The following RBM33 variants were observed in gnomAD, a reference collection of about 807,000 sequenced individuals.
The protein encoded by RBM33 is RNA-binding protein 33.
In RBM33, 28 loss-of-function variants were observed where a neutral mutation model predicts 132.6. The observed-to-expected ratio is 0.21, with a 90% CI of 0.16 to 0.29. The LOEUF is 0.29. Among genes scored for constraint, RBM33 ranks in the 10% least tolerant of loss-of-function variants. The probability of loss-of-function intolerance (pLI) is 1.00; values close to 1 mark genes in which losing one functional copy is unlikely to be tolerated. For missense variants in RBM33, 1,291 were observed against 1,518.5 expected (o/e 0.85, Z 2.49); for synonymous variants, 634 against 593.0 (o/e 1.07, Z -1.01).
At chr7:155,749,744 C>T (rs542310422) in intron 14 of RBM33, among the ~76,000 whole-genome samples, 1 of 152,300 alleles carries the variant, frequency 6.6e-6, no homozygotes, top group Non-Finnish European at 1.5e-5. Context: ...TGAATATAGG[C>T]CTGGCGAGTG....
intron 8 of RBM33, among the ~76,000 whole-genome samples, chr7:155,717,156 C>G (rs1395945071): frequency 6.6e-6 from 1 of 152,162 alleles, no homozygotes; most frequent in Non-Finnish European, 1.5e-5. Flanking sequence ...GTTGTCAATT[C>G]CACCTGATGT....
At chr7:155,653,444 A>G (rs956148694) in intron 1 of RBM33, among the ~76,000 whole-genome samples, 5 of 149,826 alleles carry the variant, frequency 3.3e-5, no homozygotes, top group Non-Finnish European at 7.4e-5. Flanking sequence ...TGAATTTACT[A>G]TCTTTTCTAC....
intron 2 of RBM33, among the ~76,000 whole-genome samples, chr7:155,670,122 A>C (rs145990476): frequency 1.9e-3 from 290 of 152,346 alleles, no homozygotes; most frequent in African/African-American, 6.7e-3. Context: ...TTTGAGGATA[A>C]CTTCTGTTTC....
chr7:155,752,772 A>G (rs891670333), intron 14 of RBM33, among the ~76,000 whole-genome samples: 1 of 152,174 alleles, frequency 6.6e-6, no homozygotes, highest in African/African-American at 2.4e-5. Flanking sequence ...GCCATGTTTC[A>G]TGCCTCTGGC....
In RBM33 at chr7:155,770,240, G is replaced by A. The variant is rs139589035; in HGVS notation, c.3375+3585G>A. On this transcript the variant is annotated intron_variant, in intron 16 of 17. Transcript: ENST00000401878. ...TGAAATGGGGCAGAAAACTCGGTGC[G>A]GGCTGGAGTTGCCCAGAGCACTGTT... Among the ~76,000 whole-genome samples, 308 of 152,312 alleles carry A rather than the reference G, an allele frequency of 2.0e-3. 7 individuals carry two copies. In the East Asian group the frequency reaches 0.044, roughly 22 times the overall value.
chr7:155,697,902 A>C (rs757882667), intron 5 of RBM33, among the ~76,000 whole-genome samples: 3 of 152,246 alleles, frequency 2.0e-5, no homozygotes, highest in Non-Finnish European at 2.9e-5. Flanking sequence ...GTAACTAAAA[A>C]TCAAACCTTT....
intron 5 of RBM33, among the ~76,000 whole-genome samples, chr7:155,700,528 T>C (rs926860156): frequency 3.4e-5 from 5 of 148,036 alleles, no homozygotes; most frequent in Non-Finnish European, 7.5e-5. Context: ...GTCTATTAAT[T>C]GCAAGCAAGA....
chr7:155,672,958 A>C (rs1171187260), intron 3 of RBM33, 43 bp downstream of exon 3: 1 of 1,338,556 alleles, frequency 7.5e-7, no homozygotes, highest in Non-Finnish European at 1.0e-6. Context: ...CTAGTCATTT[A>C]ATTATACTTA....
At position 155,700,906 on chromosome 7, in the gene RBM33, A is replaced by C. The variant is rs1016200800; in HGVS notation, c.701A>C (p.Asp234Ala). Residue 234 changes from aspartate to alanine, a missense_variant, in exon 6 of 18, where the codon GAT (aspartate) becomes GCT (alanine). Physicochemically the swap from Asp to Ala is moderately radical, Grantham distance 126. Transcript: ENST00000401878. ...RKEGTIIRLS[D>A]VTRERRNIPE... ...GAAGGAACAATTATTAGGCTCTCAGATGTAACTAGAGAGAGAAGGAACATT... is the reference window on the plus strand; with the variant it reads ...GAAGGAACAATTATTAGGCTCTCAGCTGTAACTAGAGAGAGAAGGAACATT... The C allele has an allele frequency of 5.6e-6, 9 of 1,612,998 alleles. No individual in the cohort carries two copies. The highest frequency in any genetic ancestry group is 7.6e-6 in the Non-Finnish European group (9 of 1,179,506).
Position 155,775,119 on chromosome 7 carries a change from AC to A in RBM33, c.*83del. 7.8e-7 allele frequency: 1 copy of A among 1,281,654 alleles called. No individual in the cohort carries two copies. Among genetic ancestry groups the A allele is most frequent in the Non-Finnish European group, 1.1e-6 (1 of 878,298 alleles). The allele number at this position is 1,281,654 out of a possible 1,614,324, so 79.4% of individuals were successfully genotyped here. ...CAAGGGAGCTGCCGGCCGGCGCAGA[AC>A]CCCCAGGAGCACAGGTCTCTCCGGG... On this transcript the variant is annotated 3_prime_UTR_variant, in exon 18 of 18. Transcript: ENST00000401878.
chr7:155,691,459 A>G (rs959946451), intron 5 of RBM33, among the ~76,000 whole-genome samples: 25 of 151,950 alleles, frequency 1.6e-4, no homozygotes, highest in Non-Finnish European at 3.4e-4. Flanking sequence ...AAGTTGGAAA[A>G]CTAATTTTAT....
At chr7:155,765,897 C>T (rs969843973) in intron 15 of RBM33, among the ~76,000 whole-genome samples, 5 of 152,118 alleles carry the variant, frequency 3.3e-5, no homozygotes, top group African/African-American at 9.7e-5. Context: ...AGCTTGCAGA[C>T]GATGGAAATG....
chr7:155,737,404 GAC>G, intron 9 of RBM33, 124 bp from the exon 10 acceptor site: 3 of 848,614 alleles, frequency 3.5e-6, no homozygotes, highest in African/African-American at 3.6e-5. Flanking sequence ...GAAAGACAGT[GAC>G]TGTTAGGAGA....
At chr7:155,721,790 A>C (rs1585486905) in intron 9 of RBM33, among the ~76,000 whole-genome samples, 1 of 152,192 alleles carries the variant, frequency 6.6e-6, no homozygotes, top group East Asian at 1.9e-4. Flanking sequence ...TGAGGCCAAA[A>C]TTTGGTATTC....
At position 155,750,568 on chromosome 7, in the gene RBM33, G is replaced by A. The variant is rs189295780; in HGVS notation, c.2979+4966G>A. Among the ~76,000 whole-genome samples the A allele has an allele frequency of 1.1e-3, 166 of 152,256 alleles. No homozygotes were observed. The South Asian group carries it at 0.011, about 10-fold the overall frequency. ...GTAACCTTGGTTGCCTGGCCTCAATGAATCCCAGTTTCCTCATCAGTACAA... is the reference window on the plus strand; with the variant it reads ...GTAACCTTGGTTGCCTGGCCTCAATAAATCCCAGTTTCCTCATCAGTACAA... On this transcript the variant is annotated intron_variant, in intron 14 of 17. Transcript: ENST00000401878.
intron 1 of RBM33, among the ~76,000 whole-genome samples, chr7:155,658,154 A>G (rs1454937304): frequency 5.9e-5 from 9 of 152,134 alleles, no homozygotes; most frequent in African/African-American, 2.2e-4. Context: ...TTCAGTGCAT[A>G]TATGTTTATA....
intron 9 of RBM33, among the ~76,000 whole-genome samples, chr7:155,719,875 A>G (rs1800569837): frequency 6.6e-6 from 1 of 152,228 alleles, no homozygotes; most frequent in Non-Finnish European, 1.5e-5. Flanking sequence ...AAAGCAATGT[A>G]ATTTATATTT....
In RBM33 at chr7:155,741,866, G is replaced by A. The variant is rs759641851; in HGVS notation, c.2097G>A (p.Gln699=). 8.1e-6 allele frequency: 13 copies of A among 1,613,946 alleles called. No homozygotes were observed. In the South Asian group the frequency reaches 1.4e-4, roughly 18 times the overall value. ...GCAAGCGGCCCATGCAGCAAATGCA[G>A]CCCACTGCGCCAAGGAACAGCAATT... is the stretch of plus-strand genomic sequence containing the variant. The part of the protein sequence containing the change: ...NVSKRPMQQM[Q]PTAPRNSNLR... Residue 699 remains glutamine (Q), a synonymous_variant, in exon 13 of 18, where the codon CAG becomes CAA. Transcript: ENST00000401878.
At chr7:155,662,718 T>C (rs1045008539) in intron 1 of RBM33, among the ~76,000 whole-genome samples, 3 of 152,088 alleles carry the variant, frequency 2.0e-5, no homozygotes, top group Non-Finnish European at 2.9e-5. Context: ...GTTCCAGCAG[T>C]GTCTGTTCCA....
Sources: gnomAD v4.1 joint callset for allele counts (sites outside exome capture counted in the v4.1 genomes callset) on GRCh38, gnomAD v4.1.1 for gene constraint, MANE v1.5 for transcripts, NCBI Gene and HGNC (gene_info 2026-07-23, HGNC 2026-07-21) for gene names.